The following RAB3GAP2 variants were observed in gnomAD, a reference collection of about 807,000 sequenced individuals.
The protein encoded by RAB3GAP2 is RAB3 GTPase activating non-catalytic protein subunit 2, also known as rab3 GTPase-activating protein non-catalytic subunit.
In RAB3GAP2, 87 loss-of-function variants were observed where a neutral mutation model predicts 185.3. The observed-to-expected ratio is 0.47, with a 90% CI of 0.39 to 0.56. The LOEUF is 0.56. Ranked by LOEUF, RAB3GAP2 falls within the 20% of genes least tolerant of loss-of-function variation. The pLI, the probability that RAB3GAP2 is intolerant of heterozygous loss-of-function variation, is 0.00. For synonymous variants in RAB3GAP2, 554 were observed against 576.1 expected, an observed-to-expected ratio of 0.96 and a Z score of 0.55; for missense variants, 1,492 against 1,638.2, an observed-to-expected ratio of 0.91 and a Z score of 1.54.
chr1:220,172,762 T>C lies in RAB3GAP2; in HGVS notation c.2311-20A>G. On this transcript the variant is annotated intron_variant, in intron 21 of 34. Coordinates refer to ENST00000358951, the MANE Select transcript of RAB3GAP2 (RefSeq NM_012414.4). Reference sequence around the variant, plus strand: ...CAGAGACTGAAATCAAATTTAAATCTTTTTCAGTCTAAAAAAAAATTTAGC... The same window carrying C: ...CAGAGACTGAAATCAAATTTAAATCCTTTTCAGTCTAAAAAAAAATTTAGC... The C allele has an allele frequency of 6.5e-7, 1 of 1,546,646 alleles. No homozygotes were observed. The highest frequency in any genetic ancestry group is 8.9e-7 in the Non-Finnish European group (1 of 1,118,916).
intron 1 of RAB3GAP2, chr1:220,267,141 T>C: frequency 8.0e-7 from 1 of 1,246,808 alleles, no homozygotes; most frequent in South Asian, 1.2e-5. Flanking sequence ...GTAAGTTCTC[T>C]GGCTTAATGT....
intron 24 of RAB3GAP2, among the ~76,000 whole-genome samples, chr1:220,169,916 TG>T (rs1453774551): frequency 6.6e-6 from 1 of 152,234 alleles, no homozygotes; most frequent in Non-Finnish European, 1.5e-5. Context: ...ATCCCATTAC[TG>T]GGTATATACC....
At position 220,148,762 on chromosome 1, in the gene RAB3GAP2, A is replaced by G. The variant is rs1034584120; in HGVS notation, c.*2489T>C. 6.6e-5 allele frequency: 10 copies of G among 152,166 alleles called. No individual in the cohort carries two copies. The highest frequency in any genetic ancestry group is 2.4e-4 in the African/African-American group (10 of 41,428). 9.4% of individuals were successfully genotyped at this position (152,166 alleles called of 1,614,324 possible). ...ACTTTTTTTTTCTGTTTGCAAAAGT[A>G]TGAAGCATTAAGAAGCATGGTGCTA... On this transcript the variant is annotated 3_prime_UTR_variant, in exon 35 of 35. Coordinates refer to ENST00000358951, the MANE Select transcript of RAB3GAP2 (RefSeq NM_012414.4).
chr1:220,269,591 G>A (rs926092245), intron 1 of RAB3GAP2, among the ~76,000 whole-genome samples: 9 of 152,186 alleles, frequency 5.9e-5, no homozygotes, highest in African/African-American at 1.7e-4. Context: ...GCATGGTGGC[G>A]CATGCCTGTA....
intron 2 of RAB3GAP2, 56 bp downstream of exon 2, chr1:220,232,743 A>T (rs982858899): frequency 7.1e-7 from 1 of 1,417,770 alleles, no homozygotes; most frequent in East Asian, 2.3e-5. Context: ...TGTCACCATC[A>T]TTACAAAAGG....
chr1:220,231,255 T>C (rs75467152), intron 2 of RAB3GAP2, among the ~76,000 whole-genome samples: 52 of 152,358 alleles, frequency 3.4e-4, no homozygotes, highest in African/African-American at 1.3e-3. Context: ...AGCCCATTCC[T>C]GCCTTGAGAC....
intron 2 of RAB3GAP2, among the ~76,000 whole-genome samples, chr1:220,216,417 C>T (rs1659202716): frequency 6.6e-6 from 1 of 152,152 alleles, no homozygotes; most frequent in African/African-American, 2.4e-5. Flanking sequence ...GGTTCCACAA[C>T]TTCTGCTGTA....
At chr1:220,185,592 A>G (rs559193369) in intron 18 of RAB3GAP2, 59 bp downstream of exon 18, 41 of 1,258,638 alleles carry the variant, frequency 3.3e-5, no homozygotes, top group Non-Finnish European at 4.7e-5. Flanking sequence ...GCTTTCTATA[A>G]TCAGAGTTAC....
chr1:220,263,570 G>C (rs1660178420), intron 1 of RAB3GAP2, among the ~76,000 whole-genome samples: 1 of 151,984 alleles, frequency 6.6e-6, no homozygotes, highest in Admixed American at 6.6e-5. Context: ...GAATGCTCTT[G>C]GCACACTTGC....
chr1:220,148,543 G>A lies in RAB3GAP2; in HGVS notation c.*2708C>T, dbSNP rs1257520005. The A allele has an allele frequency of 1.3e-5, 2 of 152,122 alleles. No individual in the cohort carries two copies. The highest frequency in any genetic ancestry group is 4.8e-5 in the African/African-American group (2 of 41,420). 9.4% of individuals were successfully genotyped at this position (152,122 alleles called of 1,614,324 possible). A position where few individuals can be genotyped will look rare whatever the true frequency, so the allele number is the denominator to read the frequency against. ...AGAGGGCTTTTGCTGTTGCTATAGT[G>A]TACTGTAAAAATATTTGTTCCTTAT... On this transcript the variant is annotated 3_prime_UTR_variant, in exon 35 of 35. Coordinates refer to ENST00000358951, the MANE Select transcript of RAB3GAP2 (RefSeq NM_012414.4).
At chr1:220,181,038 T>A (rs112695463) in intron 21 of RAB3GAP2, among the ~76,000 whole-genome samples, 4 of 152,328 alleles carry the variant, frequency 2.6e-5, no homozygotes, top group African/African-American at 9.6e-5. Context: ...AATTTACACA[T>A]TTACATTGCA....
intron 2 of RAB3GAP2, among the ~76,000 whole-genome samples, chr1:220,226,885 G>A (rs184999767): frequency 1.3e-5 from 2 of 151,930 alleles, no homozygotes; most frequent in East Asian, 3.9e-4. Flanking sequence ...GAGTTGGATA[G>A]GACTGGTGTC....
intron 4 of RAB3GAP2, among the ~76,000 whole-genome samples, chr1:220,212,115 T>C (rs936989653): frequency 6.6e-6 from 1 of 152,214 alleles, no homozygotes; most frequent in Non-Finnish European, 1.5e-5. Context: ...ATATCATGGT[T>C]ACAAAAGCTT....
At chr1:220,244,943 G>C (rs966783051) in intron 1 of RAB3GAP2, among the ~76,000 whole-genome samples, 3 of 152,034 alleles carry the variant, frequency 2.0e-5, no homozygotes, top group Admixed American at 2.0e-4. Flanking sequence ...CCAAAAGCAA[G>C]TGCAGCAAAA....
chr1:220,159,944 G>C (rs1025685830), intron 28 of RAB3GAP2, among the ~76,000 whole-genome samples: 2 of 152,014 alleles, frequency 1.3e-5, no homozygotes, highest in Admixed American at 6.6e-5. Flanking sequence ...TTGAACTCAG[G>C]AGGTAGAGGT....
chr1:220,189,527 T>C (rs771794495), intron 17 of RAB3GAP2, among the ~76,000 whole-genome samples, 176 bp downstream of exon 17: 174 of 151,892 alleles, frequency 1.1e-3, no homozygotes, highest in Admixed American at 3.3e-3. Context: ...TTTTTTTTTT[T>C]TTTTTAAAGA....
intron 19 of RAB3GAP2, among the ~76,000 whole-genome samples, chr1:220,183,766 T>G (rs1658456363): frequency 6.6e-6 from 1 of 152,178 alleles, no homozygotes; most frequent in African/African-American, 2.4e-5. Context: ...GGATACAACC[T>G]GCTAGGCTTT....
intron 8 of RAB3GAP2, 28 bp downstream of exon 8, chr1:220,205,879 G>A: frequency 2.8e-6 from 4 of 1,423,378 alleles, no homozygotes; most frequent in Middle Eastern, 1.8e-4. Context: ...CATTAACAGA[G>A]GTTAAATATT....
chr1:220,211,129 T>C (rs1449295106), intron 4 of RAB3GAP2, 127 bp from the exon 5 acceptor site: 4 of 875,780 alleles, frequency 4.6e-6, no homozygotes, highest in Admixed American at 2.0e-5. Context: ...ATTTGATGCA[T>C]AAGTAAAAAT....
Sources: gnomAD v4.1 joint callset for allele counts (sites outside exome capture counted in the v4.1 genomes callset) on GRCh38, gnomAD v4.1.1 for gene constraint, MANE v1.5 for transcripts, NCBI Gene and HGNC (gene_info 2026-07-23, HGNC 2026-07-21) for gene names.